PIK3C3: variants seen among roughly 807,000 people sequenced by gnomAD.
The protein encoded by PIK3C3 is PI3-kinase type 3.
A neutral mutation model predicts 126.1 loss-of-function variants in PIK3C3; 95 were observed. The ratio of observed to expected loss-of-function variants is 0.75; its 90% CI spans 0.64 to 0.89. The LOEUF (loss-of-function observed/expected upper bound fraction) is 0.89. Ranked by LOEUF, PIK3C3 falls within the 40% of genes least tolerant of loss-of-function variation. PIK3C3 has a pLI of 0.00. For missense variants in PIK3C3, 829 were observed against 1,063.2 expected, an observed-to-expected ratio of 0.78 and a Z score of 3.06; for synonymous variants, 374 against 360.0, an observed-to-expected ratio of 1.04 and a Z score of -0.44.
intron 13 of PIK3C3, among the ~76,000 whole-genome samples, chr18:42,021,724 A>G (rs2144421184): frequency 6.6e-6 from 1 of 152,308 alleles, no homozygotes; most frequent in East Asian, 1.9e-4. Context: ...GAGCATACCA[A>G]ATCCAAAAAT....
intron 24 of PIK3C3, among the ~76,000 whole-genome samples, chr18:42,077,131 T>C (rs1986062379): frequency 6.6e-6 from 1 of 152,240 alleles, no homozygotes; most frequent in Non-Finnish European, 1.5e-5. Context: ...GCATTATGTC[T>C]TTAAAAACTA....
In PIK3C3 at chr18:42,084,185, T is replaced by C. The variant is rs1359162746; in HGVS notation, c.*3048T>C. On this transcript the variant is annotated 3_prime_UTR_variant, in exon 25 of 25. Coordinates refer to ENST00000262039, the MANE Select transcript of PIK3C3 (RefSeq NM_002647.4). ...CAATTGTTAACCTACAACCATAATA[T>C]ACCTTAAGTATATTTTTGCACATAA... The C allele has an allele frequency of 6.6e-6, 1 of 152,170 alleles. No homozygotes were observed. Among genetic ancestry groups the C allele is most frequent in the African/African-American group, 2.4e-5 (1 of 41,436 alleles). The allele number at this position is 152,170 out of a possible 1,614,324, so 9.4% of individuals were successfully genotyped here. A position where few individuals can be genotyped will look rare whatever the true frequency, so the allele number is the denominator to read the frequency against.
At chr18:41,992,510 A>G (rs920050395) in intron 6 of PIK3C3, among the ~76,000 whole-genome samples, 28 of 152,324 alleles carry the variant, frequency 1.8e-4, no homozygotes, top group Non-Finnish European at 2.6e-4. Flanking sequence ...GATGCTAAAT[A>G]TACAGTCATG....
chr18:42,047,204 T>C (rs1984595002), intron 20 of PIK3C3, among the ~76,000 whole-genome samples: 1 of 152,136 alleles, frequency 6.6e-6, no homozygotes, highest in African/African-American at 2.4e-5. Context: ...AAAATGGGAA[T>C]AGTAAGTAGG....
chr18:41,992,366 G>T (rs1434893879), intron 6 of PIK3C3, among the ~76,000 whole-genome samples: 1 of 152,158 alleles, frequency 6.6e-6, no homozygotes, highest in Non-Finnish European at 1.5e-5. Context: ...GTGGGAATTT[G>T]TGGTTTTCTG....
At position 42,067,437 on chromosome 18, in the gene PIK3C3, A is replaced by T; in HGVS notation, c.2573A>T (p.Tyr858Phe). The T allele has an allele frequency of 1.2e-6, 2 of 1,612,912 alleles. No homozygotes were observed. The highest frequency in any genetic ancestry group is 1.7e-6 in the Non-Finnish European group (2 of 1,178,862). The change falls in exon 24 of 25, where the codon TAC becomes TTC. Residue 858 changes from tyrosine (Y) to phenylalanine (F), a missense_variant. By Grantham distance (22) the Tyr-to-Phe change is conservative. Around this residue, in one of 4 missense-constraint regions of PIK3C3, gnomAD observed 196 missense variants for 312.8 expected, o/e 0.63. Transcript: ENST00000262039. ...CTGTCGGATGAAGAGGCTGTGCATT[A>T]CATGCAGAGTCTGATTGATGAGAGT... The part of the protein sequence containing the change: ...LDLSDEEAVH[Y>F]MQSLIDESVH...
chr18:42,056,521 T>C (rs1236389760), intron 21 of PIK3C3, among the ~76,000 whole-genome samples: 1 of 152,128 alleles, frequency 6.6e-6, no homozygotes, highest in Non-Finnish European at 1.5e-5. Context: ...TTCAAGTATA[T>C]TGGTAACAAA....
chr18:42,072,645 C>T (rs904365352), intron 24 of PIK3C3, among the ~76,000 whole-genome samples: 1 of 152,136 alleles, frequency 6.6e-6, no homozygotes, highest in Non-Finnish European at 1.5e-5. Context: ...GATCCTCCTG[C>T]CTCAGCCTCC....
intron 22 of PIK3C3, among the ~76,000 whole-genome samples, chr18:42,058,993 C>T (rs1374222385): frequency 2.0e-5 from 3 of 152,218 alleles, no homozygotes; most frequent in Non-Finnish European, 4.4e-5. Flanking sequence ...ACCTTTGTGA[C>T]ATCAATTACT....
chr18:42,060,083 A>T (rs1371714106), intron 22 of PIK3C3, among the ~76,000 whole-genome samples: 1 of 151,948 alleles, frequency 6.6e-6, no homozygotes, highest in Non-Finnish European at 1.5e-5. Flanking sequence ...GCCAACATTT[A>T]TTTTTTAATG....
At chr18:42,060,680 G>A (rs1379167645) in intron 22 of PIK3C3, among the ~76,000 whole-genome samples, 3 of 152,050 alleles carry the variant, frequency 2.0e-5, no homozygotes, top group African/African-American at 4.8e-5. Context: ...GGGAGGCTGA[G>A]GTATGAGAAT....
chr18:42,012,910 GA>G (rs1169950644), intron 10 of PIK3C3, among the ~76,000 whole-genome samples: 2 of 151,972 alleles, frequency 1.3e-5, no homozygotes, highest in Non-Finnish European at 2.9e-5. Flanking sequence ...TCTAAAACTT[GA>G]GCTTTCAGGA....
intron 3 of PIK3C3, among the ~76,000 whole-genome samples, chr18:41,965,901 G>A (rs1267060403): frequency 6.6e-6 from 1 of 152,140 alleles, no homozygotes; most frequent in African/African-American, 2.4e-5. Flanking sequence ...GTAGCAATAA[G>A]TGAGTGGTTA....
chr18:42,077,307 C>T (rs1986068142), intron 24 of PIK3C3, among the ~76,000 whole-genome samples: 1 of 152,194 alleles, frequency 6.6e-6, no homozygotes, highest in Non-Finnish European at 1.5e-5. Flanking sequence ...AAGTTTGCCA[C>T]ATCAGTTGAT....
At chr18:41,956,001 T>C (rs2144280342) in intron 1 of PIK3C3, among the ~76,000 whole-genome samples, 1 of 151,336 alleles carries the variant, frequency 6.6e-6, no homozygotes, top group South Asian at 2.1e-4. Context: ...AAGGGCGTGA[T>C]ATCTTGAGAT....
intron 13 of PIK3C3, chr18:42,026,661 T>C (rs1266424963): frequency 1.3e-5 from 2 of 152,124 alleles, no homozygotes; most frequent in Non-Finnish European, 2.9e-5. Context: ...GGTCTCAAAC[T>C]CCTGACCTCA....
chr18:41,969,754 T>G (rs1308473717), intron 3 of PIK3C3, among the ~76,000 whole-genome samples: 1 of 152,196 alleles, frequency 6.6e-6, no homozygotes, highest in African/African-American at 2.4e-5. Context: ...TGTATTGATT[T>G]ATTTAATTTT....
At chr18:42,028,704 A>C (rs1983684665) in intron 14 of PIK3C3, among the ~76,000 whole-genome samples, 1 of 152,164 alleles carries the variant, frequency 6.6e-6, no homozygotes, top group South Asian at 2.1e-4. Flanking sequence ...CTTTAAGTTT[A>C]AATTGCCTCA....
Position 41,970,187 on chromosome 18 carries a change from CATTCCATTGGGGGCTTAA to C in PIK3C3, c.402-138_402-121del. The C allele has an allele frequency of 5.9e-6, 4 of 681,838 alleles. No individual in the cohort carries two copies. The South Asian group carries it at 7.6e-5, about 13-fold the overall frequency. 42.2% of individuals were successfully genotyped at this position (681,838 alleles called of 1,614,324 possible). On this transcript the variant is annotated intron_variant, in intron 3 of 24. Coordinates refer to ENST00000262039, the MANE Select transcript of PIK3C3 (RefSeq NM_002647.4). ...TTTAGTTGCTTGGTTAATTGCTTTA[CATTCCATTGGGGGCTTAA>C]AGCTTGGCAGTGGAGATATACATTT... is the stretch of plus-strand genomic sequence containing the variant.
Sources: gnomAD v4.1 joint callset for allele counts (sites outside exome capture counted in the v4.1 genomes callset) on GRCh38, gnomAD v4.1.1 for gene constraint, gnomAD v4.1.1 regional missense constraint, MANE v1.5 for transcripts, NCBI Gene and HGNC (gene_info 2026-07-23, HGNC 2026-07-21) for gene names.